Variants in CLASP2 observed in about 807,000 individuals in gnomAD.
CLASP2 encodes cytoplasmic linker associated protein 2.
CLASP2 carries 47 observed loss-of-function variants against 194.4 expected under a neutral mutation model. That is an observed-to-expected ratio of 0.24 (90% CI 0.19 to 0.31). CLASP2 has a LOEUF of 0.31. Ranked by LOEUF, CLASP2 falls within the 10% of genes least tolerant of loss-of-function variation. The probability of loss-of-function intolerance (pLI) is 1.00; values close to 1 mark genes in which losing one functional copy is unlikely to be tolerated. For synonymous variants in CLASP2, 619 were observed against 633.5 expected, an observed-to-expected ratio of 0.98 and a Z score of 0.34; for missense variants, 1,445 against 1,823.6, an observed-to-expected ratio of 0.79 and a Z score of 3.78.
In CLASP2 at chr3:33,654,219, C is replaced by T. The variant is rs540672123; in HGVS notation, c.715+9226G>A. 1.1e-4 allele frequency among the ~76,000 whole-genome samples: 16 copies of T among 152,248 alleles called. No homozygotes were observed. In the South Asian group the frequency reaches 2.9e-3, roughly 28 times the overall value. The stretch of plus-strand genomic sequence containing the variant: ...AGCACAAGGAGCAACTGAAAATCTA[C>T]GGAATCGTTTTATCAAACTCTTTCC... On this transcript the variant is annotated intron_variant, in intron 7 of 38. Coordinates refer to ENST00000682230, the MANE Select transcript of CLASP2 (RefSeq NM_001365631.1).
chr3:33,606,289 C>T (rs2073830149), intron 16 of CLASP2, among the ~76,000 whole-genome samples: 1 of 151,998 alleles, frequency 6.6e-6, no homozygotes, highest in African/African-American at 2.4e-5. Flanking sequence ...ATTAAATGGG[C>T]TATTTATTGT....
intron 21 of CLASP2, among the ~76,000 whole-genome samples, chr3:33,590,191 A>G (rs532921663): frequency 6.6e-6 from 1 of 152,306 alleles, no homozygotes; most frequent in Non-Finnish European, 1.5e-5. Flanking sequence ...AATATGCTAC[A>G]TCATTTAATC....
chr3:33,684,594 C>A, intron 5 of CLASP2, 138 bp from the exon 6 acceptor site: 2 of 445,612 alleles, frequency 4.5e-6, no homozygotes, highest in Non-Finnish European at 3.9e-6. Flanking sequence ...GGCTTGTCAT[C>A]AGTAAAAAAA....
intron 6 of CLASP2, among the ~76,000 whole-genome samples, chr3:33,677,870 CA>C (rs960263808): frequency 2.3e-5 from 2 of 86,232 alleles, no homozygotes; most frequent in Non-Finnish European, 2.3e-5. Flanking sequence ...GATAGCATGC[CA>C]AAAAGGAAAA....
intron 34 of CLASP2, among the ~76,000 whole-genome samples, chr3:33,525,047 AT>A (rs1395300662): frequency 6.6e-6 from 1 of 152,204 alleles, no homozygotes; most frequent in African/African-American, 2.4e-5. Flanking sequence ...GTTTCAACAG[AT>A]TTTAAAATAT....
chr3:33,688,450 A>G (rs1221073456), intron 3 of CLASP2, 82 bp from the exon 4 acceptor site: 6 of 1,020,436 alleles, frequency 5.9e-6, no homozygotes, highest in South Asian at 1.6e-5. Context: ...CAATCTTACT[A>G]CCAACCTTAT....
At chr3:33,664,249 G>A (rs1039528895) in intron 6 of CLASP2, among the ~76,000 whole-genome samples, 1 of 152,064 alleles carries the variant, frequency 6.6e-6, no homozygotes, top group African/African-American at 2.4e-5. Context: ...ATTTTCTTCA[G>A]AGTGAAATGG....
intron 37 of CLASP2, among the ~76,000 whole-genome samples, chr3:33,508,433 C>T (rs1479319728): frequency 6.6e-6 from 1 of 152,144 alleles, no homozygotes; most frequent in African/African-American, 2.4e-5. Context: ...CGGGTTCACG[C>T]CATTCTCCCG....
intron 12 of CLASP2, among the ~76,000 whole-genome samples, chr3:33,612,954 T>C (rs1429353736): frequency 5.3e-5 from 8 of 152,166 alleles, no homozygotes; most frequent in Non-Finnish European, 7.4e-5. Context: ...CAATAAGATC[T>C]AGTGTTCGAT....
At chr3:33,550,029 C>T (rs917155239) in intron 30 of CLASP2, among the ~76,000 whole-genome samples, 6 of 151,954 alleles carry the variant, frequency 3.9e-5, no homozygotes, top group Admixed American at 2.0e-4. Context: ...CCACTGCGTC[C>T]GGCCTATGTG....
intron 12 of CLASP2, among the ~76,000 whole-genome samples, chr3:33,615,561 TA>T (rs59290865): frequency 0.4 from 59,107 of 147,466 alleles, 11,905 homozygotes; most frequent in Admixed American, 0.51. Context: ...AAAGCAGATT[TA>T]AAAAAAAAAA....
Position 33,633,665 on chromosome 3 carries a change from AGAT to A in CLASP2, c.863-1297_863-1295del, listed in dbSNP as rs2079541473. On this transcript the variant is annotated intron_variant, in intron 8 of 38. Transcript: ENST00000682230. ...CTCACAAAGAAGGATGGACTCACAA[AGAT>A]GACCAATCAACAAGAGGCCATTAGG... Among the ~76,000 whole-genome samples the A allele has an allele frequency of 6.6e-5, 10 of 152,328 alleles. No homozygotes were observed. The South Asian group carries it at 2.1e-3, about 32-fold the overall frequency.
intron 7 of CLASP2, among the ~76,000 whole-genome samples, chr3:33,646,890 G>A (rs1160179208): frequency 6.6e-6 from 1 of 152,012 alleles, no homozygotes; most frequent in African/African-American, 2.4e-5. Flanking sequence ...AACTAGTCTC[G>A]AATTCTAACA....
intron 34 of CLASP2, among the ~76,000 whole-genome samples, chr3:33,527,278 AG>A (rs2054826297): frequency 6.6e-6 from 1 of 152,208 alleles, no homozygotes; most frequent in African/African-American, 2.4e-5. Context: ...GAAATGATGA[AG>A]GGAATGTTAC....
chr3:33,529,413 T>C (rs888301199), intron 34 of CLASP2, among the ~76,000 whole-genome samples: 2 of 152,118 alleles, frequency 1.3e-5, no homozygotes, highest in African/African-American at 2.4e-5. Flanking sequence ...CGTTGCCTGA[T>C]TTCAGACTAT....
rs191428563 is a variant in CLASP2 at position 33,650,038 on chromosome 3, T to C, written c.716-5135A>G. On this transcript the variant is annotated intron_variant, in intron 7 of 38. Transcript: ENST00000682230. ...ACAAGAAACCATGAGCCAAGAACAG[T>C]ATAAAAAGAAACAGACAATAGGAAA... Among the ~76,000 whole-genome samples the C allele has an allele frequency of 2.6e-5, 4 of 152,136 alleles. No homozygotes were observed. The Middle Eastern group carries it at 0.01, about 388-fold the overall frequency.
At chr3:33,503,272 T>C (rs927271673) in intron 37 of CLASP2, 1 of 152,162 alleles carries the variant, frequency 6.6e-6, no homozygotes, top group African/African-American at 2.4e-5. Flanking sequence ...TATTAATGGA[T>C]ATTTGGGTTG....
At chr3:33,691,406 G>A (rs1032175353) in intron 2 of CLASP2, among the ~76,000 whole-genome samples, 2 of 151,982 alleles carry the variant, frequency 1.3e-5, no homozygotes, top group African/African-American at 2.4e-5. Flanking sequence ...ATGAACAAGA[G>A]TTAAAGAAAA....
At chr3:33,515,081 T>C (rs2050920300) in intron 36 of CLASP2, among the ~76,000 whole-genome samples, 1 of 151,244 alleles carries the variant, frequency 6.6e-6, no homozygotes, top group Non-Finnish European at 1.5e-5. Context: ...AAAGAGTGGG[T>C]GTGGGGTGAG....
Sources: gnomAD v4.1 joint callset for allele counts (sites outside exome capture counted in the v4.1 genomes callset) on GRCh38, gnomAD v4.1.1 for gene constraint, MANE v1.5 for transcripts, NCBI Gene and HGNC (gene_info 2026-07-23, HGNC 2026-07-21) for gene names.